The following ARHGEF7 variants were observed in gnomAD, a reference collection of about 807,000 sequenced individuals.
ARHGEF7 encodes the protein PAK-interacting exchange factor beta.
In ARHGEF7, 33 loss-of-function variants were observed where a neutral mutation model predicts 109.8. The observed-to-expected ratio is 0.30, with a 90% confidence interval of 0.23 to 0.40. The LOEUF is 0.40. Among genes scored for constraint, ARHGEF7 ranks in the 10% least tolerant of loss-of-function variants. The pLI, the probability that ARHGEF7 is intolerant of heterozygous loss-of-function variation, is 1.00. For missense variants in ARHGEF7, 938 were observed against 1,098.5 expected (o/e 0.85, Z 2.07); for synonymous variants, 458 against 424.6 (o/e 1.08, Z -0.97).
intron 2 of ARHGEF7, among the ~76,000 whole-genome samples, chr13:111,181,453 A>G (rs1207893311): frequency 6.6e-6 from 1 of 152,202 alleles, no homozygotes; most frequent in Non-Finnish European, 1.5e-5. Flanking sequence ...AAGAGATGGG[A>G]CAAAGTCATG....
rs2074753448 is a variant in ARHGEF7, at chr13:111,131,553, G to A, written c.165+15862G>A. On this transcript the variant is annotated intron_variant, in intron 1 of 21. Coordinates refer to ENST00000646102, the MANE Select transcript of ARHGEF7 (RefSeq NM_001354046.2). The surrounding 1 kb of genome is among the most constrained non-coding windows in gnomAD (Gnocchi z 4.4). ...TGAGGTTTCTTACAGGGCAGTTAAA[G>A]TGCGAACGTGAGAAGGCCAAGGGCC... is the stretch of plus-strand genomic sequence containing the variant. 6.6e-6 allele frequency among the ~76,000 whole-genome samples: 1 copy of A among 152,222 alleles called. No homozygotes were observed. Among genetic ancestry groups the A allele is most frequent in the Non-Finnish European group, 1.5e-5 (1 of 68,032 alleles).
intron 13 of ARHGEF7, among the ~76,000 whole-genome samples, chr13:111,278,520 C>T (rs1047227532): frequency 3.9e-5 from 6 of 152,254 alleles, no homozygotes; most frequent in East Asian, 1.9e-4. Context: ...GAGGCTCTGC[C>T]GACACCCAGA....
chr13:111,209,724 T>C, intron 3 of ARHGEF7, 148 bp from the exon 4 acceptor site: 1 of 847,130 alleles, frequency 1.2e-6, no homozygotes. Context: ...AATAATTTGT[T>C]CTTTGTTTTC....
Position 111,133,810 on chromosome 13 carries a change from T to TAA in ARHGEF7, c.165+18120_165+18121insAA, listed in dbSNP as rs1240197386. Among the ~76,000 whole-genome samples the TAA allele has an allele frequency of 6.1e-3, 323 of 52,582 alleles. 13 individuals are homozygous for TAA. The highest frequency in any genetic ancestry group is 0.017 in the African/African-American group (188 of 11,016). 34.5% of individuals were successfully genotyped at this position (52,582 alleles called of 152,430 possible). A position where few individuals can be genotyped will look rare whatever the true frequency, so the allele number is the denominator to read the frequency against. On this transcript the variant is annotated intron_variant, in intron 1 of 21. Transcript: ENST00000646102. ...ATATATATATATATATATATATATATATATTTATTATACTTTAAGTTCTAG... is the reference window on the plus strand; with the variant it reads ...ATATATATATATATATATATATATATAAATATTTATTATACTTTAAGTTCTAG...
intron 2 of ARHGEF7, among the ~76,000 whole-genome samples, chr13:111,204,111 G>A (rs924196552): frequency 3.3e-5 from 5 of 152,170 alleles, no homozygotes; most frequent in Non-Finnish European, 7.3e-5. Context: ...AGGCTGTCAA[G>A]GCAGGGCTGT....
rs1196317976 is a variant in ARHGEF7, at chr13:111,273,593, T to G, written c.1074-221T>G. ...CATGTCCTGTGCTGTGTATAGTTAT[T>G]GTTGCTCATATGAGAGCAGGAACGG... On this transcript the variant is annotated intron_variant, in intron 9 of 21. Coordinates refer to ENST00000646102, the MANE Select transcript of ARHGEF7 (RefSeq NM_001354046.2). This position sits in a 1 kb window ranked among gnomAD's most constrained non-coding sequence, Gnocchi z 4.5. 6.6e-6 allele frequency among the ~76,000 whole-genome samples: 1 copy of G among 152,214 alleles called. No individual in the cohort carries two copies. Among genetic ancestry groups the G allele is most frequent in the Non-Finnish European group, 1.5e-5 (1 of 68,042 alleles).
intron 15 of ARHGEF7, chr13:111,282,741 G>A (rs545479731): frequency 4.3e-6 from 1 of 229,958 alleles, no homozygotes; most frequent in Non-Finnish European, 8.4e-6. Context: ...GTGGCTGGGG[G>A]GGAATCACCT....
intron 1 of ARHGEF7, among the ~76,000 whole-genome samples, chr13:111,152,836 A>C (rs2075965816): frequency 6.6e-6 from 1 of 152,214 alleles, no homozygotes; most frequent in Non-Finnish European, 1.5e-5. Context: ...GGCTTCTTAA[A>C]ATTTTCTAGT....
At position 111,292,569 on chromosome 13, in the gene ARHGEF7, C is replaced by T. The variant is rs991842538; in HGVS notation, c.2311+275C>T. On this transcript the variant is annotated intron_variant, in intron 19 of 21. Coordinates refer to ENST00000646102, the MANE Select transcript of ARHGEF7 (RefSeq NM_001354046.2). ...TGAGCCTACATCCGAGGGTGCTCTT[C>T]GTAAGGGGTAGTTGTTGTTTTATAG... 9.0e-6 allele frequency: 12 copies of T among 1,336,326 alleles called. No individual in the cohort carries two copies. In the South Asian group the frequency reaches 1.2e-4, roughly 13 times the overall value. The allele number at this position is 1,336,326 out of a possible 1,614,324, so 82.8% of individuals were successfully genotyped here. A position where few individuals can be genotyped will look rare whatever the true frequency, so the allele number is the denominator to read the frequency against.
intron 17 of ARHGEF7, among the ~76,000 whole-genome samples, chr13:111,287,191 C>A (rs554190531): frequency 3.9e-5 from 6 of 152,228 alleles, no homozygotes; most frequent in Admixed American, 1.3e-4. Flanking sequence ...ACCATCCTGA[C>A]TGTCCTTCTC....
chr13:111,120,380 C>T (rs2067100812), intron 1 of ARHGEF7, among the ~76,000 whole-genome samples: 1 of 152,228 alleles, frequency 6.6e-6, no homozygotes, highest in Non-Finnish European at 1.5e-5. Context: ...CGCATACATG[C>T]ACACTTGCAC....
chr13:111,274,092 TTA>T (rs1438882928), intron 10 of ARHGEF7, 140 bp downstream of exon 10: 2 of 1,112,110 alleles, frequency 1.8e-6, no homozygotes, highest in Non-Finnish European at 2.5e-6. Context: ...TTGTTAAATA[TTA>T]TGTTTTTCTC....
chr13:111,119,447 T>A (rs2067026971), intron 1 of ARHGEF7, among the ~76,000 whole-genome samples: 1 of 152,090 alleles, frequency 6.6e-6, no homozygotes, highest in African/African-American at 2.4e-5. Flanking sequence ...ACCTAAATAA[T>A]AGAGTCTTGG....
At chr13:111,182,889 C>A (rs886757600) in intron 2 of ARHGEF7, among the ~76,000 whole-genome samples, 1 of 152,122 alleles carries the variant, frequency 6.6e-6, no homozygotes, top group African/African-American at 2.4e-5. Flanking sequence ...GTATTCAGTA[C>A]GTCACATGAG....
chr13:111,226,766 A>G (rs972971959), intron 5 of ARHGEF7, among the ~76,000 whole-genome samples: 14 of 152,378 alleles, frequency 9.2e-5, no homozygotes, highest in African/African-American at 1.7e-4. Context: ...GGGTCTTAGC[A>G]TTTAAGGAAT....
chr13:111,154,469 C>T (rs976676587), intron 2 of ARHGEF7, among the ~76,000 whole-genome samples: 1 of 152,192 alleles, frequency 6.6e-6, no homozygotes, highest in African/African-American at 2.4e-5. Context: ...CCTCCGCCTG[C>T]TTCTCCCAGC....
At chr13:111,149,737 A>G (rs1219398349) in intron 1 of ARHGEF7, among the ~76,000 whole-genome samples, 1 of 152,248 alleles carries the variant, frequency 6.6e-6, no homozygotes, top group Non-Finnish European at 1.5e-5. Flanking sequence ...ATTCTCAGTC[A>G]TAAGTACACA....
At chr13:111,262,332 T>C (rs1485852938) in intron 8 of ARHGEF7, among the ~76,000 whole-genome samples, 2 of 152,168 alleles carry the variant, frequency 1.3e-5, no homozygotes, top group African/African-American at 4.8e-5. Context: ...TTGGAGAACT[T>C]AGAAGCTTTG....
chr13:111,216,649 C>T (rs2083183312), intron 4 of ARHGEF7, among the ~76,000 whole-genome samples: 1 of 152,178 alleles, frequency 6.6e-6, no homozygotes, highest in Non-Finnish European at 1.5e-5. Context: ...CCCTAGAGCT[C>T]TGAACGTTCT....
Sources: gnomAD v4.1 joint callset for allele counts (sites outside exome capture counted in the v4.1 genomes callset) on GRCh38, gnomAD v4.1.1 for gene constraint, Gnocchi (gnomAD v3.1) non-coding constraint, MANE v1.5 for transcripts, NCBI Gene and HGNC (gene_info 2026-07-23, HGNC 2026-07-21) for gene names.